IHO1: variants seen among roughly 807,000 people sequenced by gnomAD.
The protein encoded by IHO1 is interactor of HORMAD1 1.
IHO1 carries 13 observed loss-of-function variants against 31.0 expected under a neutral mutation model. The ratio of observed to expected loss-of-function variants is 0.42; its 90% confidence interval spans 0.27 to 0.67. The LOEUF (loss-of-function observed/expected upper bound fraction) is 0.67. IHO1 is among the 30% of genes least tolerant of loss of function. IHO1 has a pLI of 0.24. For synonymous variants in IHO1, 221 were observed against 248.4 expected (o/e 0.89, Z 1.04); for missense variants, 599 against 687.5 (o/e 0.87, Z 1.44).
Position 49,256,258 on chromosome 3 carries a change from T to C in IHO1, c.761T>C (p.Leu254Pro). The C allele has an allele frequency of 6.2e-7, 1 of 1,614,210 alleles. No individual in the cohort carries two copies. The highest frequency in any genetic ancestry group is 8.5e-7 in the Non-Finnish European group (1 of 1,180,036). ...QLGQLNVPSV[L>P]AELKRLISVP... ...GGCCAGCTGAATGTGCCCAGTGTCCTAGCAGAGCTGAAGAGATTGATCTCA... is the reference window on the plus strand; with the variant it reads ...GGCCAGCTGAATGTGCCCAGTGTCCCAGCAGAGCTGAAGAGATTGATCTCA... The change falls in exon 8 of 8, where the codon CTA becomes CCA. Residue 254 changes from leucine to proline, a missense_variant. By Grantham distance (98) the Leu-to-Pro change is moderately conservative (BLOSUM62 -3). Transcript: ENST00000452691. The surrounding 1 kb of genome is among the most constrained non-coding windows in gnomAD (Gnocchi z 4.6).
chr3:49,257,378 A>T lies in IHO1; in HGVS notation c.*96A>T, dbSNP rs371168088. 4 of 1,271,232 alleles carry T rather than the reference A, an allele frequency of 3.1e-6. No homozygotes were observed. The highest frequency in any genetic ancestry group is 1.4e-5 in the South Asian group (1 of 71,704). 78.7% of individuals were successfully genotyped at this position (1,271,232 alleles called of 1,614,324 possible). The stretch of plus-strand genomic sequence containing the variant: ...AGAAAGTCCCTGAAGCCTGCCAAGT[A>T]CCCAGGGTCAGAGGCCCTGCTGAGG... On this transcript the variant is annotated 3_prime_UTR_variant, in exon 8 of 8. Transcript: ENST00000452691.
At chr3:49,194,542 C>T (rs1001121893), upstream of IHO1, among the ~76,000 whole-genome samples, 11 of 146,912 alleles carry the variant, frequency 7.5e-5, no homozygotes, top group African/African-American at 2.5e-4. Flanking sequence ...CCACCCACCT[C>T]GGCCTCCCAA....
intron 6 of IHO1, among the ~76,000 whole-genome samples, chr3:49,249,428 G>A (rs1427753887): frequency 6.6e-6 from 1 of 151,840 alleles, no homozygotes; most frequent in Admixed American, 6.6e-5. Context: ...ACACCACCAC[G>A]CCCAGCTAAA....
intron 4 of IHO1, among the ~76,000 whole-genome samples, chr3:49,243,956 A>G (rs1375973472): frequency 2.7e-5 from 4 of 147,038 alleles, no homozygotes; most frequent in African/African-American, 1.0e-4. Context: ...TTTTTTTTTA[A>G]CTTTTTATTT....
intron 2 of IHO1, among the ~76,000 whole-genome samples, chr3:49,214,309 G>A (rs2046258131): frequency 6.6e-6 from 1 of 151,958 alleles, no homozygotes; most frequent in African/African-American, 2.4e-5. Flanking sequence ...TATTGACAAG[G>A]CTCATTGAGG....
intron 2 of IHO1, among the ~76,000 whole-genome samples, chr3:49,212,844 C>A (rs1489264860): frequency 6.6e-6 from 1 of 152,154 alleles, no homozygotes; most frequent in African/African-American, 2.4e-5. Context: ...AGTGAAAGAA[C>A]AAATCTTCCG....
rs2046842870 is a variant in IHO1 at position 49,257,842 on chromosome 3, C to T, written c.*560C>T. 1 of 152,698 alleles carries T rather than the reference C, an allele frequency of 6.5e-6. No homozygotes were observed. The highest frequency in any genetic ancestry group is 1.5e-5 in the Non-Finnish European group (1 of 68,508). The allele number at this position is 152,698 out of a possible 1,614,324, so 9.5% of individuals were successfully genotyped here. Reference sequence around the variant, plus strand: ...TGAACAGAGAAAATAAAATGATAAGCCTGCCAGTGAAAGAGGTGACATTCA... The same window carrying T: ...TGAACAGAGAAAATAAAATGATAAGTCTGCCAGTGAAAGAGGTGACATTCA... On this transcript the variant is annotated 3_prime_UTR_variant, in exon 8 of 8. Coordinates refer to ENST00000452691, the MANE Select transcript of IHO1 (RefSeq NM_001135197.2).
At chr3:49,223,370 G>A (rs1417825025) in intron 2 of IHO1, among the ~76,000 whole-genome samples, 2 of 152,110 alleles carry the variant, frequency 1.3e-5, no homozygotes, top group African/African-American at 2.4e-5. Flanking sequence ...TAGTGCCCTC[G>A]AAATTCCCTG....
intron 1 of IHO1, chr3:49,200,586 G>A (rs139817955): frequency 4.8e-5 from 47 of 984,690 alleles, no homozygotes; most frequent in South Asian, 1.4e-4. Context: ...CAATCGGGGC[G>A]GTCCTCTCCC....
At chr3:49,250,965 G>A (rs929976040) in intron 6 of IHO1, among the ~76,000 whole-genome samples, 5 of 151,814 alleles carry the variant, frequency 3.3e-5, no homozygotes, top group Non-Finnish European at 7.4e-5. Flanking sequence ...CAGAGGTTGC[G>A]GTGAGCCAAG....
At chr3:49,202,128 A>G (rs1247671800) in intron 1 of IHO1, among the ~76,000 whole-genome samples, 1 of 152,106 alleles carries the variant, frequency 6.6e-6, no homozygotes, top group Non-Finnish European at 1.5e-5. Context: ...GCTTAATATT[A>G]CATTCTAGTA....
chr3:49,207,995 A>G (rs1196558575), intron 1 of IHO1, among the ~76,000 whole-genome samples: 2 of 151,934 alleles, frequency 1.3e-5, no homozygotes, highest in South Asian at 2.1e-4. Context: ...GATGGTCTCG[A>G]TCTCCTGACC....
chr3:49,220,501 A>G (rs2046341199), intron 2 of IHO1, among the ~76,000 whole-genome samples: 1 of 152,088 alleles, frequency 6.6e-6, no homozygotes, highest in South Asian at 2.1e-4. Context: ...TCTTCCTTCC[A>G]GTGGATTTGT....
chr3:49,229,369 C>A (rs2046455877), intron 2 of IHO1, among the ~76,000 whole-genome samples: 2 of 152,178 alleles, frequency 1.3e-5, no homozygotes, highest in Admixed American at 1.3e-4. Flanking sequence ...CCAGGTAGAT[C>A]TACTTTAAAT....
chr3:49,200,551 G>A (rs1410908779), intron 1 of IHO1: 1 of 977,842 alleles, frequency 1.0e-6, no homozygotes, highest in Non-Finnish European at 1.2e-6. Context: ...AGTTGACGAC[G>A]GTGGTCAGAT....
chr3:49,223,101 T>C (rs920892145), intron 2 of IHO1, among the ~76,000 whole-genome samples: 4 of 152,176 alleles, frequency 2.6e-5, no homozygotes, highest in Admixed American at 1.3e-4. Context: ...GTTATGTATT[T>C]GACCAAGTTG....
chr3:49,206,665 C>A (rs2046142382), intron 1 of IHO1, among the ~76,000 whole-genome samples: 1 of 152,178 alleles, frequency 6.6e-6, no homozygotes, highest in African/African-American at 2.4e-5. Flanking sequence ...AATGCCTAAT[C>A]TCCTGAGAAT....
At chr3:49,231,771 A>G (rs1465160350) in intron 2 of IHO1, among the ~76,000 whole-genome samples, 1 of 152,238 alleles carries the variant, frequency 6.6e-6, no homozygotes, top group East Asian at 1.9e-4. Context: ...GCAATATCTA[A>G]TGCCAAACAT....
the IHO1 span, chr3:49,191,825 AT>A: frequency 1.3e-6 from 2 of 1,517,174 alleles, no homozygotes; most frequent in Admixed American, 3.9e-5. Context: ...TTTGGAGGGT[AT>A]CTTCAGGAAA....
Sources: allele counts gnomAD v4.1 joint callset (sites outside exome capture counted in the v4.1 genomes callset), GRCh38; gene constraint gnomAD v4.1.1; non-coding constraint Gnocchi (gnomAD v3.1); transcripts MANE v1.5; gene names NCBI Gene and HGNC (gene_info 2026-07-23, HGNC 2026-07-21).